The following MGRN1 variants were observed in gnomAD, a reference collection of about 807,000 sequenced individuals.
MGRN1 encodes the protein E3 ubiquitin-protein ligase MGRN1.
MGRN1 carries 29 observed loss-of-function variants against 69.2 expected under a neutral mutation model. That is an observed-to-expected ratio of 0.42 (90% CI 0.31 to 0.57). The LOEUF (loss-of-function observed/expected upper bound fraction) is 0.57. MGRN1 is among the 20% of genes least tolerant of loss of function. MGRN1 has a pLI of 0.15. For synonymous variants in MGRN1, 470 were observed against 344.2 expected (o/e 1.37, Z -4.04); for missense variants, 998 against 796.2 (o/e 1.25, Z -3.05).
chr16:4,663,780 G>A (rs562417239), intron 5 of MGRN1, among the ~76,000 whole-genome samples: 44 of 152,354 alleles, frequency 2.9e-4, no homozygotes, highest in Admixed American at 2.6e-4. Context: ...GCAGTGCTGG[G>A]GAGCAGGGGT....
chr16:4,636,584 T>C (rs1475647644), intron 1 of MGRN1, among the ~76,000 whole-genome samples: 1 of 152,124 alleles, frequency 6.6e-6, no homozygotes, highest in Non-Finnish European at 1.5e-5. Flanking sequence ...TTTAAACTTT[T>C]AGGAGTGAAC....
At chr16:4,684,687 T>G (rs1464940294) in intron 16 of MGRN1, among the ~76,000 whole-genome samples, 2 of 152,222 alleles carry the variant, frequency 1.3e-5, no homozygotes, top group East Asian at 3.8e-4. Context: ...GATAAGATCC[T>G]CAGTTTCGAA....
At chr16:4,663,587 C>G (rs549581231) in intron 5 of MGRN1, among the ~76,000 whole-genome samples, 1 of 152,118 alleles carries the variant, frequency 6.6e-6, no homozygotes, top group East Asian at 1.9e-4. Flanking sequence ...TGCCAGACAC[C>G]GAGGATGTCA....
At chr16:4,671,271 C>G in intron 8 of MGRN1, 120 bp from the exon 9 acceptor site, 1 of 933,186 alleles carries the variant, frequency 1.1e-6, no homozygotes, top group Non-Finnish European at 1.7e-6. Context: ...AGGGGTTGAG[C>G]TGGACTGACC....
In MGRN1 at chr16:4,652,758, C is replaced by G. The variant is rs756899428; in HGVS notation, c.377C>G (p.Ala126Gly). 3 of 1,612,668 alleles carry G rather than the reference C, an allele frequency of 1.9e-6. No individual in the cohort carries two copies. Among genetic ancestry groups the G allele is most frequent in the Admixed American group, 1.7e-5 (1 of 59,854 alleles). ...VLYSLEFTFDADARVAITIYC... is the reference protein window; with the variant it reads ...VLYSLEFTFDGDARVAITIYC... ...TACAGCCTGGAGTTCACCTTCGACG[C>G]CGATGCCCGCGTGGCCATCACCATC... Residue 126 changes from alanine (A) to glycine (G), a missense_variant, in exon 4 of 17, where the codon GCC (alanine) becomes GGC (glycine). Coordinates refer to ENST00000262370, the MANE Select transcript of MGRN1 (RefSeq NM_015246.4).
Position 4,683,252 on chromosome 16 carries a change from C to A in MGRN1, c.1511C>A (p.Ser504Ter), listed in dbSNP as rs61734739. 4 of 1,613,750 alleles carry A rather than the reference C, an allele frequency of 2.5e-6. No homozygotes were observed. In the South Asian group the frequency reaches 4.4e-5, roughly 18 times the overall value. Residue 504 changes from serine (S) to a stop codon, truncating the protein, a stop_gained, in exon 15 of 17, where the codon TCG becomes TAG. Transcript: ENST00000262370. LOFTEE classifies it high-confidence loss of function. ...ESFITEEVDE[S>*]SSPQQGTRAA... ...TTCATAACAGAAGAGGTTGATGAGT[C>A]GTCGTCACCACAGCAAGGTGAGCGC...
In MGRN1 at chr16:4,651,545, C is replaced by T. The variant is rs566041097; in HGVS notation, c.208-418C>T. Among the ~76,000 whole-genome samples the T allele has an allele frequency of 3.3e-4, 50 of 151,988 alleles. 1 individual carries two copies. The South Asian group carries it at 3.3e-3, about 10-fold the overall frequency. On this transcript the variant is annotated intron_variant, in intron 2 of 16. Transcript: ENST00000262370. The stretch of plus-strand genomic sequence containing the variant: ...GTGCAGGCCTCAGGGGACAGGAGGC[C>T]GGAAGAGCCAGTAAACTTTGGGGGC...
intron 1 of MGRN1, among the ~76,000 whole-genome samples, chr16:4,645,690 G>A (rs75575802): frequency 0.038 from 5,743 of 152,250 alleles, 365 homozygotes; most frequent in African/African-American, 0.13. Flanking sequence ...GAGCTCCAGG[G>A]AAGAGCTGGA....
At chr16:4,636,506 C>G (rs1182247612) in intron 1 of MGRN1, among the ~76,000 whole-genome samples, 1 of 152,022 alleles carries the variant, frequency 6.6e-6, no homozygotes, top group South Asian at 2.1e-4. Flanking sequence ...AGCCTGATCT[C>G]TTTGGGTGCG....
chr16:4,637,837 C>T (rs915491486), intron 1 of MGRN1, among the ~76,000 whole-genome samples: 2 of 152,234 alleles, frequency 1.3e-5, no homozygotes, highest in African/African-American at 4.8e-5. Flanking sequence ...CACCTTAGGG[C>T]CAACCAGCCC....
intron 14 of MGRN1, 49 bp from the exon 15 acceptor site, chr16:4,683,175 G>C: frequency 1.2e-6 from 2 of 1,606,482 alleles, no homozygotes; most frequent in Middle Eastern, 1.7e-4. Context: ...TCCTGGAGCG[G>C]TGGCCGCGGC....
Position 4,669,521 on chromosome 16 carries a change from C to T in MGRN1, c.726+1209C>T, listed in dbSNP as rs59207643. On this transcript the variant is annotated intron_variant, in intron 8 of 16. Transcript: ENST00000262370. ...ACGACGGGTCCCTGTCTTGGGTGAGCATATATGTTTTGCGTGCCCGCCATG... is the reference window on the plus strand; with the variant it reads ...ACGACGGGTCCCTGTCTTGGGTGAGTATATATGTTTTGCGTGCCCGCCATG... 4.8e-3 allele frequency among the ~76,000 whole-genome samples: 724 copies of T among 151,370 alleles called. 4 individuals are homozygous for T. Among genetic ancestry groups the T allele is most frequent in the African/African-American group, 0.017 (693 of 41,310 alleles).
intron 8 of MGRN1, among the ~76,000 whole-genome samples, chr16:4,670,238 GTTTTA>G (rs969319298): frequency 1.3e-5 from 2 of 151,428 alleles, no homozygotes; most frequent in Middle Eastern, 3.2e-3. Context: ...AATTTGTTTT[GTTTTA>G]TTTTGTTTTG....
chr16:4,649,425 G>T (rs2078352125), intron 1 of MGRN1: 1 of 152,214 alleles, frequency 6.6e-6, no homozygotes, highest in South Asian at 2.1e-4. Flanking sequence ...CGAAGGCGCT[G>T]GGGGAGGACT....
chr16:4,671,188 C>A, intron 8 of MGRN1: 1 of 599,048 alleles, frequency 1.7e-6, no homozygotes, highest in Non-Finnish European at 3.0e-6. Flanking sequence ...GCCACCGGCT[C>A]CAGCCCTGTT....
chr16:4,631,011 A>G (rs570344404), intron 1 of MGRN1, among the ~76,000 whole-genome samples: 120 of 151,738 alleles, frequency 7.9e-4, no homozygotes, highest in African/African-American at 2.8e-3. Context: ...TTGTAGAGAC[A>G]GGGTTTCACC....
chr16:4,628,832 A>C (rs1481773269), intron 1 of MGRN1, among the ~76,000 whole-genome samples: 1 of 151,186 alleles, frequency 6.6e-6, no homozygotes, highest in East Asian at 1.9e-4. Context: ...GGTGTGAGCC[A>C]CTATGCCCAG....
intron 1 of MGRN1, among the ~76,000 whole-genome samples, chr16:4,648,542 C>T (rs1270099148): frequency 2.4e-5 from 3 of 123,910 alleles, no homozygotes; most frequent in Admixed American, 7.4e-5. Flanking sequence ...CGTGGTCACC[C>T]GGGTCCTCCT....
chr16:4,673,418 TGGGACAGCTG>T, intron 9 of MGRN1, 70 bp from the exon 10 acceptor site: 1 of 1,542,402 alleles, frequency 6.5e-7, no homozygotes, highest in Non-Finnish European at 8.8e-7. Context: ...TGGAGTGGGG[TGGGACAGCTG>T]GGGACAGGAA....
Sources: allele counts gnomAD v4.1 joint callset (sites outside exome capture counted in the v4.1 genomes callset), GRCh38; gene constraint gnomAD v4.1.1; transcripts MANE v1.5; gene names NCBI Gene and HGNC (gene_info 2026-07-23, HGNC 2026-07-21).